EFHB: variants seen among roughly 807,000 people sequenced by gnomAD.
EFHB encodes the protein EF-hand domain family member B.
A neutral mutation model predicts 87.2 loss-of-function variants in EFHB; 91 were observed. The ratio of observed to expected loss-of-function variants is 1.04; its 90% CI spans 0.88 to 1.24. EFHB has a LOEUF of 1.24. Among genes scored for constraint, EFHB ranks in the 50% most tolerant of loss-of-function variants. The pLI is 0.00. For missense variants in EFHB, 1,084 were observed against 998.8 expected, an observed-to-expected ratio of 1.09 and a Z score of -1.15; for synonymous variants, 325 against 333.6, an observed-to-expected ratio of 0.97 and a Z score of 0.28.
upstream of EFHB, among the ~76,000 whole-genome samples, chr3:19,939,118 G>T (rs562544202): frequency 6.6e-6 from 1 of 151,968 alleles, no homozygotes; most frequent in Non-Finnish European, 1.5e-5. Context: ...TGTTGGTCAG[G>T]CTGGTCTCAA....
At chr3:19,889,127 G>C (rs2125121755) in intron 9 of EFHB, among the ~76,000 whole-genome samples, 1 of 152,340 alleles carries the variant, frequency 6.6e-6, no homozygotes, top group Admixed American at 6.5e-5. Flanking sequence ...ATCCTGGTAA[G>C]TAGGGGGAGG....
At chr3:19,945,695 A>G (rs1297222229) in intron 1 of EFHB, among the ~76,000 whole-genome samples, 1 of 152,212 alleles carries the variant, frequency 6.6e-6, no homozygotes, top group African/African-American at 2.4e-5. Context: ...CATGATTAAT[A>G]GTTCATATTG....
chr3:19,913,363 T>C (rs1272949961), intron 5 of EFHB, among the ~76,000 whole-genome samples: 3 of 152,040 alleles, frequency 2.0e-5, no homozygotes, highest in Non-Finnish European at 4.4e-5. Context: ...AGATACAAAA[T>C]AAACATACAA....
intron 1 of EFHB, chr3:19,946,292 G>C (rs1251948002): frequency 6.6e-6 from 1 of 152,256 alleles, no homozygotes; most frequent in Admixed American, 6.5e-5. Flanking sequence ...AGACTTGGCT[G>C]CCAGGCACTG....
chr3:19,921,786 CAGTTGTA>C (rs72002940), intron 1 of EFHB, among the ~76,000 whole-genome samples: 4,536 of 152,006 alleles, frequency 0.03, 223 homozygotes, highest in African/African-American at 0.1. Context: ...TTTTTTAATT[CAGTTGTA>C]AGTTATAAGA....
chr3:19,901,143 T>C (rs1276512457), intron 6 of EFHB, among the ~76,000 whole-genome samples: 1 of 152,088 alleles, frequency 6.6e-6, no homozygotes. Flanking sequence ...TAAAATGGGA[T>C]TGCACTCTGG....
intron 9 of EFHB, among the ~76,000 whole-genome samples, chr3:19,891,835 C>T (rs997596778): frequency 1.3e-5 from 2 of 152,150 alleles, no homozygotes; most frequent in African/African-American, 4.8e-5. Context: ...CAACACACCC[C>T]CATTACACAC....
chr3:19,913,163 C>T (rs988606588), intron 5 of EFHB, among the ~76,000 whole-genome samples: 5 of 152,130 alleles, frequency 3.3e-5, no homozygotes, highest in Admixed American at 2.0e-4. Context: ...TGGGGAAAGA[C>T]TGAAAGTTCT....
At chr3:19,936,256 G>T, upstream of EFHB, 2 of 735,352 alleles carry the variant, frequency 2.7e-6, no homozygotes, top group South Asian at 3.0e-5. Flanking sequence ...AGGCTGAAGT[G>T]GGAGGATCAC....
At chr3:19,920,011 A>G in intron 2 of EFHB, 35 bp from the exon 3 acceptor site, 1 of 1,609,306 alleles carries the variant, frequency 6.2e-7, no homozygotes, top group Non-Finnish European at 8.5e-7. Context: ...AGTATTAAGT[A>G]CAGTTTCTAA....
intron 9 of EFHB, among the ~76,000 whole-genome samples, chr3:19,890,917 G>A (rs1048316198): frequency 2.0e-5 from 3 of 152,016 alleles, no homozygotes; most frequent in Admixed American, 6.6e-5. Context: ...TTTTGAGGCC[G>A]GCCAACTTGG....
intron 9 of EFHB, 71 bp from the exon 10 acceptor site, chr3:19,888,722 G>A: frequency 7.8e-7 from 1 of 1,277,494 alleles, no homozygotes; most frequent in Non-Finnish European, 1.1e-6. Context: ...ACATTATTTA[G>A]TTTAAGAAAA....
intron 5 of EFHB, among the ~76,000 whole-genome samples, chr3:19,907,437 T>A (rs547349119): frequency 2.0e-4 from 30 of 152,300 alleles, no homozygotes; most frequent in African/African-American, 7.2e-4. Context: ...TCTCCACCAT[T>A]GTTATGGAAA....
intron 5 of EFHB, among the ~76,000 whole-genome samples, chr3:19,912,334 A>T (rs1362753316): frequency 1.3e-5 from 2 of 152,200 alleles, no homozygotes; most frequent in Non-Finnish European, 2.9e-5. Context: ...TTATTCTAGA[A>T]TAGTATATCT....
intron 4 of EFHB, among the ~76,000 whole-genome samples, chr3:19,916,911 A>G (rs1232385220): frequency 6.6e-6 from 1 of 152,246 alleles, no homozygotes; most frequent in Non-Finnish European, 1.5e-5. Context: ...TCTTTTTGAT[A>G]TATGAACATT....
rs756505787 is a variant in EFHB at position 19,920,601 on chromosome 3, G to A, written c.790-34C>T. ...GAAAAAAATGGGTTGATCATTGCCAGGGTGGAAGAGGAGCATTTTGAAGAA... is the reference window on the plus strand; with the variant it reads ...GAAAAAAATGGGTTGATCATTGCCAAGGTGGAAGAGGAGCATTTTGAAGAA... On this transcript the variant is annotated intron_variant, in intron 1 of 12. Transcript: ENST00000295824. The A allele has an allele frequency of 4.0e-6, 6 of 1,508,568 alleles. No individual in the cohort carries two copies. The South Asian group carries it at 6.1e-5, about 15-fold the overall frequency. The allele number at this position is 1,508,568 out of a possible 1,614,324, so 93.4% of individuals were successfully genotyped here. A position where few individuals can be genotyped will look rare whatever the true frequency, so the allele number is the denominator to read the frequency against.
chr3:19,891,552 C>T (rs1694305853), intron 9 of EFHB, among the ~76,000 whole-genome samples: 1 of 152,138 alleles, frequency 6.6e-6, no homozygotes, highest in African/African-American at 2.4e-5. Context: ...CTGGCAAATA[C>T]TCCCCTTGAT....
intron 1 of EFHB, among the ~76,000 whole-genome samples, chr3:19,939,750 T>C (rs1190540805): frequency 1.3e-5 from 2 of 152,200 alleles, no homozygotes; most frequent in Admixed American, 6.5e-5. Flanking sequence ...TATCCTACTA[T>C]GATCTATGTG....
intron 9 of EFHB, among the ~76,000 whole-genome samples, chr3:19,890,431 G>C (rs550893035): frequency 8.5e-4 from 129 of 152,296 alleles, no homozygotes; most frequent in African/African-American, 3.0e-3. Flanking sequence ...ATCATAGTCA[G>C]TCCTGGGAGA....
Sources: gnomAD v4.1 joint callset for allele counts (sites outside exome capture counted in the v4.1 genomes callset) on GRCh38, gnomAD v4.1.1 for gene constraint, MANE v1.5 for transcripts, NCBI Gene and HGNC (gene_info 2026-07-23, HGNC 2026-07-21) for gene names.